The following CCL15 variants were observed in gnomAD, a reference collection of about 807,000 sequenced individuals.
CCL15 encodes the protein C-C motif chemokine 15.
In CCL15, 8 loss-of-function variants were observed where a neutral mutation model predicts 10.6. That is an observed-to-expected ratio of 0.75 (90% CI 0.44 to 1.36). The LOEUF (loss-of-function observed/expected upper bound fraction) is 1.36. Among genes scored for constraint, CCL15 ranks in the 40% most tolerant of loss-of-function variants. The pLI, the probability that CCL15 is intolerant of heterozygous loss-of-function variation, is 0.00. For missense variants in CCL15, 128 were observed against 136.6 expected (o/e 0.94, Z 0.32); for synonymous variants, 51 against 48.8 (o/e 1.04, Z -0.19).
chr17:35,997,820 T>A lies in CCL15; in HGVS notation c.289A>T (p.Ser97Cys), dbSNP rs2089934066. The change falls in exon 4 of 4, where the codon AGT becomes TGT. Residue 97 changes from serine to cysteine, a missense_variant. Physicochemically the swap from Ser to Cys is moderately radical, Grantham distance 112. Coordinates refer to ENST00000617897, the MANE Select transcript of CCL15 (RefSeq NM_032965.6). Reference sequence around the variant, plus strand: ...ATGCAATCCTGAACTCCCGGACCACTGGGTTTGGCACAGACTTGCCGCCCC... The same window carrying A: ...ATGCAATCCTGAACTCCCGGACCACAGGGTTTGGCACAGACTTGCCGCCCC... The part of the protein sequence containing the change: ...KKGRQVCAKP[S>C]GPGVQDCMKK... 2 of 1,613,940 alleles carry A rather than the reference T, an allele frequency of 1.2e-6. No individual in the cohort carries two copies. Among genetic ancestry groups the A allele is most frequent in the Admixed American group, 3.3e-5 (2 of 60,000 alleles).
chr17:35,997,758 T>C lies in CCL15; in HGVS notation c.*9A>G. 1 of 1,598,236 alleles carries C rather than the reference T, an allele frequency of 6.3e-7. No individual in the cohort carries two copies. Among genetic ancestry groups the C allele is most frequent in the Non-Finnish European group, 8.6e-7 (1 of 1,165,656 alleles). ...AGGTGGGTGGCTGGCCTCTTTTGTCTCTTTATTATTATATTGAGTAGGGCT... is the reference window on the plus strand; with the variant it reads ...AGGTGGGTGGCTGGCCTCTTTTGTCCCTTTATTATTATATTGAGTAGGGCT... On this transcript the variant is annotated 3_prime_UTR_variant, in exon 4 of 4. Coordinates refer to ENST00000617897, the MANE Select transcript of CCL15 (RefSeq NM_032965.6).
At chr17:36,001,145 T>C (rs2089990536) in intron 1 of CCL15, among the ~76,000 whole-genome samples, 1 of 152,224 alleles carries the variant, frequency 6.6e-6, no homozygotes, top group Admixed American at 6.5e-5. Flanking sequence ...TACAGTTCTT[T>C]TGTTCCAGCT....
In CCL15 at chr17:35,997,879, A is replaced by G; in HGVS notation, c.249-19T>C. 6.3e-7 allele frequency: 1 copy of G among 1,596,220 alleles called. No individual in the cohort carries two copies. The stretch of plus-strand genomic sequence containing the variant: ...GAGGAATCTGGGGAACAAGGGAGAG[A>G]AAGATTACAAACTGAGGTGTGGGCA... On this transcript the variant is annotated intron_variant, in intron 3 of 3. Transcript: ENST00000617897.
chr17:35,997,739 G>C lies in CCL15; in HGVS notation c.*28C>G. 1 of 1,426,944 alleles carries C rather than the reference G, an allele frequency of 7.0e-7. No homozygotes were observed. The highest frequency in any genetic ancestry group is 9.9e-7 in the Non-Finnish European group (1 of 1,009,714). The allele number at this position is 1,426,944 out of a possible 1,614,324, so 88.4% of individuals were successfully genotyped here. Reference sequence around the variant, plus strand: ...AACTCACAGGAGGTGTTGGAGGTGGGTGGCTGGCCTCTTTTGTCTCTTTAT... The same window carrying C: ...AACTCACAGGAGGTGTTGGAGGTGGCTGGCTGGCCTCTTTTGTCTCTTTAT... On this transcript the variant is annotated 3_prime_UTR_variant, in exon 4 of 4. Transcript: ENST00000617897.
At chr17:36,000,575 A>C (rs2089982341) in intron 1 of CCL15, among the ~76,000 whole-genome samples, 1 of 152,100 alleles carries the variant, frequency 6.6e-6, no homozygotes, top group Non-Finnish European at 1.5e-5. Context: ...ACAAATCAAA[A>C]AATCCTGAGC....
At chr17:35,999,923 G>A (rs2089969919) in intron 1 of CCL15, among the ~76,000 whole-genome samples, 1 of 151,702 alleles carries the variant, frequency 6.6e-6, no homozygotes. Context: ...AGGCCGAGGT[G>A]GGCAGATAAC....
At chr17:36,000,366 G>A (rs117111076) in intron 1 of CCL15, among the ~76,000 whole-genome samples, 4,189 of 149,782 alleles carry the variant, frequency 0.028, 86 homozygotes, top group Admixed American at 0.058. Context: ...TGGAGGCTGA[G>A]GAAGGATAAT....
chr17:35,998,627 C>A (rs1255459255), intron 2 of CCL15, among the ~76,000 whole-genome samples: 1 of 152,252 alleles, frequency 6.6e-6, no homozygotes, highest in Non-Finnish European at 1.5e-5. Context: ...CAGACACCTG[C>A]AGGCATCAGA....
intron 1 of CCL15, among the ~76,000 whole-genome samples, chr17:35,999,878 G>A (rs186257027): frequency 2.2e-4 from 33 of 152,224 alleles, no homozygotes; most frequent in Non-Finnish European, 1.8e-4. Context: ...GCAGCCAGGC[G>A]TGGTGGCTCA....
rs967742699 is a variant in CCL15 at position 35,997,736 on chromosome 17, T to G, written c.*31A>C. 7.4e-7 allele frequency: 1 copy of G among 1,358,282 alleles called. No homozygotes were observed. The allele number at this position is 1,358,282 out of a possible 1,614,324, so 84.1% of individuals were successfully genotyped here. A position where few individuals can be genotyped will look rare whatever the true frequency, so the allele number is the denominator to read the frequency against. Reference sequence around the variant, plus strand: ...AGAAACTCACAGGAGGTGTTGGAGGTGGGTGGCTGGCCTCTTTTGTCTCTT... The same window carrying G: ...AGAAACTCACAGGAGGTGTTGGAGGGGGGTGGCTGGCCTCTTTTGTCTCTT... On this transcript the variant is annotated 3_prime_UTR_variant, in exon 4 of 4. Transcript: ENST00000617897.
Position 35,998,066 on chromosome 17 carries a change from C to T in CCL15, c.249-206G>A, listed in dbSNP as rs544245319. ...GACTCATGGAAGTGTCCTTGGGAAG[C>T]CTTGTGCTTGCTTTCTTCTTCCTTC... On this transcript the variant is annotated intron_variant, in intron 3 of 3. Transcript: ENST00000617897. Among the ~76,000 whole-genome samples the T allele has an allele frequency of 2.4e-4, 36 of 152,328 alleles. 1 individual carries two copies. Among genetic ancestry groups the T allele is most frequent in the African/African-American group, 2.4e-5 (1 of 41,572 alleles).
intron 1 of CCL15, among the ~76,000 whole-genome samples, chr17:36,000,956 T>C (rs770085410): frequency 6.6e-6 from 1 of 152,192 alleles, no homozygotes; most frequent in Non-Finnish European, 1.5e-5. Context: ...CCTCTTTGCG[T>C]TGACATTCAC....
At chr17:36,000,462 CAA>C (rs71157588) in intron 1 of CCL15, among the ~76,000 whole-genome samples, 30 of 49,074 alleles carry the variant, frequency 6.1e-4, no homozygotes, top group African/African-American at 1.3e-3. Context: ...AACTCCATCT[CAA>C]AAAAAAAAAA....
chr17:36,001,407 C>A lies in CCL15; in HGVS notation c.76+10G>T. On this transcript the variant is annotated intron_variant, in intron 1 of 3. Transcript: ENST00000617897. ...ACCTGGTCACCTGGGAGAAAGCTCA[C>A]TGGACTCACCATTTGTGAACTGGGC... The A allele has an allele frequency of 1.2e-6, 2 of 1,614,102 alleles. No homozygotes were observed. The highest frequency in any genetic ancestry group is 1.7e-6 in the Non-Finnish European group (2 of 1,179,966).
intron 1 of CCL15, 95 bp downstream of exon 1, chr17:36,001,322 C>A: frequency 1.3e-6 from 2 of 1,493,904 alleles, no homozygotes; most frequent in South Asian, 2.4e-5. Context: ...GTTCCATAAC[C>A]ATGTCTGGGC....
rs1053788961 is a variant in CCL15, at chr17:36,001,489, T to G, written c.4A>C (p.Lys2Gln). 15 of 1,613,400 alleles carry G rather than the reference T, an allele frequency of 9.3e-6. No homozygotes were observed. The highest frequency in any genetic ancestry group is 1.7e-5 in the Admixed American group (1 of 60,008). M[K>Q]VSVAALSCLM... ...CAGGAGAGGGCAGCCACGGAGACCT[T>G]CATCCTCCTGGTGGGCAGGCAGGGC... Residue 2 changes from lysine to glutamine, a missense_variant, in exon 1 of 4, where the codon AAG becomes CAG. Physicochemically the swap from Lys to Gln is moderately conservative, Grantham distance 53. Transcript: ENST00000617897.
At chr17:36,000,459 T>A (rs1211893376) in intron 1 of CCL15, among the ~76,000 whole-genome samples, 2 of 94,404 alleles carry the variant, frequency 2.1e-5, no homozygotes, top group East Asian at 3.7e-4. Flanking sequence ...TGAAACTCCA[T>A]CTCAAAAAAA....
At chr17:35,998,609 G>A (rs1013274969) in intron 2 of CCL15, among the ~76,000 whole-genome samples, 2 of 152,244 alleles carry the variant, frequency 1.3e-5, no homozygotes, top group African/African-American at 2.4e-5. Flanking sequence ...AGAAGGGGAA[G>A]GCATCTGCAG....
intron 1 of CCL15, among the ~76,000 whole-genome samples, chr17:36,000,816 T>C (rs1360910190): frequency 1.4e-5 from 2 of 147,590 alleles, no homozygotes; most frequent in African/African-American, 5.4e-5. Context: ...TCCCTCCTGT[T>C]TGTGACTCCT....
Sources: allele counts gnomAD v4.1 joint callset (sites outside exome capture counted in the v4.1 genomes callset), GRCh38; gene constraint gnomAD v4.1.1; transcripts MANE v1.5; gene names NCBI Gene and HGNC (gene_info 2026-07-23, HGNC 2026-07-21).